The following NEDD4L variants were observed in gnomAD, a reference collection of about 807,000 sequenced individuals.
NEDD4L encodes the protein NEDD4 like E3 ubiquitin protein ligase, also known as E3 ubiquitin-protein ligase NEDD4-like.
Under a neutral mutation model 148.9 loss-of-function variants are expected in NEDD4L, and 54 were observed. The observed-to-expected ratio is 0.36, with a 90% CI of 0.29 to 0.45. NEDD4L has a LOEUF of 0.45. Ranked by LOEUF, NEDD4L falls within the 20% of genes least tolerant of loss-of-function variation. The pLI is 1.00. For missense variants in NEDD4L, 856 were observed against 1,233.8 expected, an observed-to-expected ratio of 0.69 and a Z score of 4.59; for synonymous variants, 433 against 440.7, an observed-to-expected ratio of 0.98 and a Z score of 0.22.
rs2033985434 is a variant in NEDD4L, at chr18:58,145,289, T to C, written c.49-20499T>C. 2.0e-5 allele frequency among the ~76,000 whole-genome samples: 3 copies of C among 152,160 alleles called. No homozygotes were observed. In the South Asian group the frequency reaches 6.2e-4, roughly 32 times the overall value. ...AAGGGTGGATTTGCAGCTAAGAAGA[T>C]AGTAAATAACCAGACTACGTGACAG... On this transcript the variant is annotated intron_variant, in intron 1 of 30. Transcript: ENST00000400345.
intron 2 of NEDD4L, 145 bp downstream of exon 2, chr18:58,166,006 T>G: frequency 1.5e-6 from 1 of 679,748 alleles, no homozygotes; most frequent in Non-Finnish European, 2.5e-6. Context: ...ATTTAGGAAG[T>G]GATGCTGGCC....
At chr18:58,191,060 A>G (rs952682029) in intron 2 of NEDD4L, among the ~76,000 whole-genome samples, 5 of 141,776 alleles carry the variant, frequency 3.5e-5, no homozygotes, top group African/African-American at 1.5e-4. Flanking sequence ...GCAGTGAGTC[A>G]TGAATACACC....
chr18:58,373,049 T>A, intron 23 of NEDD4L, 125 bp from the exon 24 acceptor site: 1 of 637,798 alleles, frequency 1.6e-6, no homozygotes. Context: ...GCAGGAAACA[T>A]TGCATTAGTA....
At chr18:58,346,309 T>C (rs1339308846) in intron 16 of NEDD4L, among the ~76,000 whole-genome samples, 5 of 152,232 alleles carry the variant, frequency 3.3e-5, no homozygotes, top group African/African-American at 1.2e-4. Context: ...TAAATGCTTA[T>C]TGGAGCATTT....
At chr18:58,138,180 A>G (rs1258587880) in intron 1 of NEDD4L, among the ~76,000 whole-genome samples, 1 of 152,068 alleles carries the variant, frequency 6.6e-6, no homozygotes, top group Non-Finnish European at 1.5e-5. Context: ...CTTTCTTCTA[A>G]CCTATTTTTA....
chr18:58,322,839 C>T (rs1203603237), intron 7 of NEDD4L, among the ~76,000 whole-genome samples: 8 of 114,756 alleles, frequency 7.0e-5, no homozygotes, highest in Admixed American at 9.4e-5. Flanking sequence ...GCCTGCCTTG[C>T]GTGCTGTGGA....
At chr18:58,121,891 G>A (rs111887962) in intron 1 of NEDD4L, among the ~76,000 whole-genome samples, 66 of 152,278 alleles carry the variant, frequency 4.3e-4, no homozygotes, top group African/African-American at 1.5e-3. Context: ...CTGTTACCAG[G>A]TTGGTGTGAA....
At chr18:58,329,532 T>C (rs2059618040) in intron 10 of NEDD4L, among the ~76,000 whole-genome samples, 1 of 152,020 alleles carries the variant, frequency 6.6e-6, no homozygotes, top group Admixed American at 6.6e-5. Context: ...AGTTTTTGTA[T>C]TTTTAGTAGA....
chr18:58,142,040 CTTTT>C (rs552184742), intron 1 of NEDD4L, among the ~76,000 whole-genome samples: 14 of 41,862 alleles, frequency 3.3e-4, no homozygotes, highest in Admixed American at 1.1e-3. Flanking sequence ...AAATTTCTTT[CTTTT>C]TTTTTTTTTT....
chr18:58,350,210 G>A (rs1220217286), intron 17 of NEDD4L, among the ~76,000 whole-genome samples: 1 of 152,148 alleles, frequency 6.6e-6, no homozygotes, highest in African/African-American at 2.4e-5. Flanking sequence ...TGGACTCCAA[G>A]GCTATTTTTA....
At chr18:58,061,714 AAACTTAT>A (rs2082344206) in intron 1 of NEDD4L, among the ~76,000 whole-genome samples, 1 of 152,188 alleles carries the variant, frequency 6.6e-6, no homozygotes, top group African/African-American at 2.4e-5. Context: ...GTAAAATGTA[AAACTTAT>A]AACTTAAAAA....
At chr18:58,065,634 C>T (rs2082555457) in intron 1 of NEDD4L, among the ~76,000 whole-genome samples, 1 of 152,142 alleles carries the variant, frequency 6.6e-6, no homozygotes, top group Admixed American at 6.5e-5. Flanking sequence ...TAATCGGGTG[C>T]CTGTGGGTCA....
At chr18:58,064,392 T>C (rs1024259889) in intron 1 of NEDD4L, among the ~76,000 whole-genome samples, 4 of 152,120 alleles carry the variant, frequency 2.6e-5, no homozygotes, top group African/African-American at 9.7e-5. Flanking sequence ...CTCAAATGAA[T>C]ACCATTCAAA....
At chr18:58,267,254 G>A (rs1484712006) in intron 5 of NEDD4L, among the ~76,000 whole-genome samples, 2 of 151,922 alleles carry the variant, frequency 1.3e-5, no homozygotes, top group South Asian at 2.1e-4. Flanking sequence ...TCTGAGTTCC[G>A]GTTGCCCCTT....
At chr18:58,050,130 C>T (rs1055998710) in intron 1 of NEDD4L, among the ~76,000 whole-genome samples, 1 of 151,744 alleles carries the variant, frequency 6.6e-6, no homozygotes, top group African/African-American at 2.4e-5. Flanking sequence ...CATTATTGAA[C>T]ATCAGTTTCC....
chr18:58,198,960 G>A (rs2041069013), intron 2 of NEDD4L, among the ~76,000 whole-genome samples: 1 of 151,982 alleles, frequency 6.6e-6, no homozygotes, highest in South Asian at 2.1e-4. Flanking sequence ...GCTAGCTAAT[G>A]TTTGTATTTT....
intron 1 of NEDD4L, among the ~76,000 whole-genome samples, chr18:58,145,386 T>C (rs1227282105): frequency 6.6e-6 from 1 of 152,250 alleles, no homozygotes; most frequent in Non-Finnish European, 1.5e-5. Context: ...GTGAATAATA[T>C]ACCGTGGGTA....
chr18:58,321,644 G>A (rs929836619), intron 6 of NEDD4L, among the ~76,000 whole-genome samples: 92 of 152,184 alleles, frequency 6.0e-4, no homozygotes, highest in Admixed American at 5.0e-3. Flanking sequence ...GCATGCACGC[G>A]CACACAAACC....
intron 1 of NEDD4L, among the ~76,000 whole-genome samples, chr18:58,089,264 G>C (rs1039020101): frequency 1.3e-5 from 2 of 151,290 alleles, no homozygotes; most frequent in African/African-American, 4.9e-5. Flanking sequence ...CTCCCGAGTA[G>C]GTGGGATTAC....
Sources: gnomAD v4.1 joint callset for allele counts (sites outside exome capture counted in the v4.1 genomes callset) on GRCh38, gnomAD v4.1.1 for gene constraint, MANE v1.5 for transcripts, NCBI Gene and HGNC (gene_info 2026-07-23, HGNC 2026-07-21) for gene names.